CIP2A: variants seen among roughly 807,000 people sequenced by gnomAD.
The protein encoded by CIP2A is protein CIP2A.
In CIP2A, 103 loss-of-function variants were observed where a neutral mutation model predicts 110.9. The observed-to-expected ratio is 0.93, with a 90% CI of 0.79 to 1.09. The LOEUF is 1.09. CIP2A is among the 50% of genes least tolerant of loss of function. CIP2A has a pLI of 0.00. For synonymous variants in CIP2A, 381 were observed against 361.6 expected (o/e 1.05, Z -0.61); for missense variants, 1,088 against 1,038.4 (o/e 1.05, Z -0.66).
intron 12 of CIP2A, 60 bp downstream of exon 12, chr3:108,565,295 A>AAT: frequency 2.5e-6 from 2 of 808,686 alleles, no homozygotes; most frequent in Middle Eastern, 3.1e-4. Context: ...TAAAACAGAA[A>AAT]CTTATATTAG....
intron 13 of CIP2A, 103 bp downstream of exon 13, chr3:108,563,023 C>T: frequency 1.5e-6 from 1 of 686,824 alleles, no homozygotes; most frequent in East Asian, 2.5e-5. Context: ...ACAATGAAGT[C>T]TTCAATTCAC....
intron 1 of CIP2A, among the ~76,000 whole-genome samples, chr3:108,586,904 T>A (rs1451221653): frequency 2.0e-5 from 3 of 152,178 alleles, no homozygotes; most frequent in Non-Finnish European, 4.4e-5. Context: ...GAAGAATGAA[T>A]AATCTCCTTT....
intron 8 of CIP2A, among the ~76,000 whole-genome samples, chr3:108,575,435 CAT>C (rs1938556149): frequency 6.8e-6 from 1 of 146,084 alleles, no homozygotes; most frequent in East Asian, 2.1e-4. Context: ...TATACATACA[CAT>C]ACATATATAC....
chr3:108,576,228 G>T, intron 8 of CIP2A, 43 bp downstream of exon 8: 1 of 1,238,198 alleles, frequency 8.1e-7, no homozygotes, highest in African/African-American at 1.6e-5. Context: ...TCGGCATTTT[G>T]CAGTTTTTAA....
intron 16 of CIP2A, among the ~76,000 whole-genome samples, chr3:108,559,122 CAAAAAATGAA>C (rs903406829): frequency 9.2e-5 from 14 of 151,764 alleles, no homozygotes; most frequent in Non-Finnish European, 1.9e-4. Flanking sequence ...ATGATTCATA[CAAAAAATGAA>C]AAGGATCCAG....
In CIP2A at chr3:108,566,620, G is replaced by T; in HGVS notation, c.1292C>A (p.Thr431Lys). The T allele has an allele frequency of 6.2e-7, 1 of 1,602,336 alleles. No individual in the cohort carries two copies. The highest frequency in any genetic ancestry group is 8.5e-7 in the Non-Finnish European group (1 of 1,174,050). ...EVLLTLCGDD[T>K]LKMHIAKILT... ...GATTTTTGCAATATGCATTTTTAGTGTATCATCTCCACAGAGAGGTTAAGT... is the reference window on the plus strand; with the variant it reads ...GATTTTTGCAATATGCATTTTTAGTTTATCATCTCCACAGAGAGGTTAAGT... The change falls in exon 11 of 21, where the codon ACA becomes AAA. Residue 431 changes from threonine to lysine, a missense_variant. Coordinates refer to ENST00000295746, the MANE Select transcript of CIP2A (RefSeq NM_020890.3).
intron 17 of CIP2A, 44 bp downstream of exon 17, chr3:108,557,174 C>T (rs1304962985): frequency 2.4e-6 from 3 of 1,248,490 alleles, no homozygotes; most frequent in East Asian, 2.4e-5. Context: ...GCTGCATGTT[C>T]ATTCTAGGTT....
chr3:108,552,407 G>C, intron 19 of CIP2A, 34 bp from the exon 20 acceptor site: 1 of 1,403,844 alleles, frequency 7.1e-7, no homozygotes, highest in Non-Finnish European at 9.6e-7. Context: ...ATTATACTCA[G>C]AGGTCTTACA....
At position 108,579,345 on chromosome 3, in the gene CIP2A, T is replaced by G; in HGVS notation, c.754A>C (p.Lys252Gln). The G allele has an allele frequency of 6.2e-7, 1 of 1,605,666 alleles. No individual in the cohort carries two copies. Among genetic ancestry groups the G allele is most frequent in the Non-Finnish European group, 8.5e-7 (1 of 1,172,630 alleles). The change falls in exon 7 of 21, where the codon AAG (lysine) becomes CAG (glutamine). Residue 252 changes from lysine to glutamine, a missense_variant. Physicochemically the swap from Lys to Gln is moderately conservative, Grantham distance 53. Coordinates refer to ENST00000295746, the MANE Select transcript of CIP2A (RefSeq NM_020890.3). ...LINGDGTLTR[K>Q]YSVDLLMDLL... ...TCCATCAGTAGGTCAACTGAATACT[T>G]TCTAGTTAGAGTGCCATCACCGTTT...
Position 108,555,626 on chromosome 3 carries a change from C to G in CIP2A, c.2211-1137G>C, listed in dbSNP as rs556700198. Among the ~76,000 whole-genome samples the G allele has an allele frequency of 2.6e-5, 4 of 152,222 alleles. No homozygotes were observed. In the South Asian group the frequency reaches 8.3e-4, roughly 32 times the overall value. ...TGTTCTTTGTTCTAAGTTTCTTTCTCAGGGTCTTGAACAAAGTCACTCTCC... is the reference window on the plus strand; with the variant it reads ...TGTTCTTTGTTCTAAGTTTCTTTCTGAGGGTCTTGAACAAAGTCACTCTCC... On this transcript the variant is annotated intron_variant, in intron 17 of 20. Transcript: ENST00000295746.
At chr3:108,582,502 C>G (rs890906152) in intron 3 of CIP2A, among the ~76,000 whole-genome samples, 1 of 152,130 alleles carries the variant, frequency 6.6e-6, no homozygotes, top group African/African-American at 2.4e-5. Context: ...CATTTTATCA[C>G]CTCTAAAACT....
chr3:108,551,203 G>C lies in CIP2A; in HGVS notation c.2664C>G (p.Ile888Met). 6.2e-7 allele frequency: 1 copy of C among 1,610,634 alleles called. No homozygotes were observed. Among genetic ancestry groups the C allele is most frequent in the Non-Finnish European group, 8.5e-7 (1 of 1,177,960 alleles). ...LNKHSHMIAM[I>M]HSLSGGKINP... is the part of the protein sequence containing the mutation. ...TTATTTTTCCACCACTTAAACTGTG[G>C]ATCATTGCTATCATGTGGGAGTGTT... The change falls in exon 21 of 21, where the codon ATC (isoleucine) becomes ATG (methionine). Residue 888 changes from isoleucine (I) to methionine (M), a missense_variant. Ile to Met is a conservative substitution (Grantham distance 10, BLOSUM62 1). Transcript: ENST00000295746.
chr3:108,557,100 C>T, intron 17 of CIP2A, 118 bp downstream of exon 17: 1 of 569,748 alleles, frequency 1.8e-6, no homozygotes. Flanking sequence ...TAATTACTTA[C>T]CTCATGTGTT....
chr3:108,579,449 C>G, intron 6 of CIP2A, 23 bp from the exon 7 acceptor site: 1 of 1,580,090 alleles, frequency 6.3e-7, no homozygotes, highest in Non-Finnish European at 8.6e-7. Context: ...TTAGAAAAAG[C>G]ATATTAGACA....
chr3:108,558,065 T>A (rs1937873273), intron 16 of CIP2A, among the ~76,000 whole-genome samples: 2 of 152,150 alleles, frequency 1.3e-5, no homozygotes, highest in African/African-American at 4.8e-5. Context: ...ATAAGAACTT[T>A]TCCAGTAACA....
At position 108,551,295 on chromosome 3, in the gene CIP2A, C is replaced by T. The variant is rs1182260659; in HGVS notation, c.2572G>A (p.Ala858Thr). The T allele has an allele frequency of 6.2e-7, 1 of 1,610,770 alleles. No homozygotes were observed. The highest frequency in any genetic ancestry group is 1.3e-5 in the African/African-American group (1 of 74,774). ...IKASSLEVQK[A>T]QLEGRLEEKE... is the part of the protein sequence containing the mutation. ...TCTTCCAAACGACCTTCTAATTGTG[C>T]CTTTTGAACCTCTAGGGAGGAAGCC... Residue 858 changes from alanine (A) to threonine (T), a missense_variant, in exon 21 of 21, where the codon GCA becomes ACA. Ala to Thr is a moderately conservative substitution (Grantham distance 58, BLOSUM62 0). Coordinates refer to ENST00000295746, the MANE Select transcript of CIP2A (RefSeq NM_020890.3).
At chr3:108,554,265 T>C (rs929675603) in intron 18 of CIP2A, 111 bp downstream of exon 18, 1 of 551,134 alleles carries the variant, frequency 1.8e-6, no homozygotes, top group Non-Finnish European at 3.2e-6. Flanking sequence ...ATATCTAAAA[T>C]AAGTGACAAT....
intron 12 of CIP2A, among the ~76,000 whole-genome samples, chr3:108,563,829 C>T (rs1397473074): frequency 1.3e-5 from 2 of 151,918 alleles, no homozygotes; most frequent in East Asian, 3.9e-4. Flanking sequence ...TTTACATGTA[C>T]TTACTGGTTG....
intron 10 of CIP2A, among the ~76,000 whole-genome samples, chr3:108,567,780 A>G (rs1277452678): frequency 2.6e-5 from 4 of 151,890 alleles, no homozygotes; most frequent in African/African-American, 9.7e-5. Context: ...AAAAAATGGC[A>G]CTACTGATCG....
Sources: gnomAD v4.1 joint callset for allele counts (sites outside exome capture counted in the v4.1 genomes callset) on GRCh38, gnomAD v4.1.1 for gene constraint, MANE v1.5 for transcripts, NCBI Gene and HGNC (gene_info 2026-07-23, HGNC 2026-07-21) for gene names.